PTPRN2: variants seen among roughly 807,000 people sequenced by gnomAD.
The protein encoded by PTPRN2 is protein tyrosine phosphatase receptor type N2.
A neutral mutation model predicts 118.8 loss-of-function variants in PTPRN2; 74 were observed. The ratio of observed to expected loss-of-function variants is 0.62; its 90% confidence interval spans 0.52 to 0.76. The LOEUF (loss-of-function observed/expected upper bound fraction) is 0.76, where lower values mean the gene tolerates loss of function less well. PTPRN2 is among the 30% of genes least tolerant of loss of function. The pLI is 0.00. For synonymous variants in PTPRN2, 641 were observed against 608.0 expected (o/e 1.05, Z -0.80); for missense variants, 1,481 against 1,394.4 (o/e 1.06, Z -0.99).
In PTPRN2 at chr7:157,615,355, A is replaced by G. The variant is rs2150616761; in HGVS notation, c.2344+6007T>C. 1 of 443,080 alleles carries G rather than the reference A, an allele frequency of 2.3e-6. No individual in the cohort carries two copies. The allele number at this position is 443,080 out of a possible 1,614,324, so 27.4% of individuals were successfully genotyped here. ...GTAGTGTAGGCTGCACTCTCCGGGG[A>G]GCCGCTGACCTTGGGCTCCCTAACC... On this transcript the variant is annotated intron_variant, in intron 15 of 22. Transcript: ENST00000389418. The surrounding 1 kb of genome is among the most constrained non-coding windows in gnomAD (Gnocchi z 4.3).
chr7:158,537,899 C>A lies in PTPRN2; in HGVS notation c.113-48114G>T, dbSNP rs1825741604. Among the ~76,000 whole-genome samples the A allele has an allele frequency of 4.6e-5, 7 of 152,364 alleles. No homozygotes were observed. The South Asian group carries it at 1.4e-3, about 32-fold the overall frequency. On this transcript the variant is annotated intron_variant, in intron 1 of 22. Transcript: ENST00000389418. ...TTCCTTTCCCTGTAATATTTGCTAGCTTCACCTTGACCTCATAAATGTAAT... is the reference window on the plus strand; with the variant it reads ...TTCCTTTCCCTGTAATATTTGCTAGATTCACCTTGACCTCATAAATGTAAT...
intron 2 of PTPRN2, among the ~76,000 whole-genome samples, chr7:158,459,330 C>CACT (rs10690042): frequency 0.55 from 56,248 of 102,596 alleles, 13,727 homozygotes; most frequent in Non-Finnish European, 0.57. Flanking sequence ...CCAGAGCACC[C>CACT]GCCTGGGACG....
intron 12 of PTPRN2, among the ~76,000 whole-genome samples, chr7:157,775,257 CATATG>C (rs1803130035): frequency 2.6e-5 from 4 of 152,208 alleles, no homozygotes; most frequent in Admixed American, 2.0e-4. Context: ...CAGCTACTGT[CATATG>C]AGCTGCTCTT....
chr7:157,599,129 C>T (rs1801516367), intron 16 of PTPRN2, among the ~76,000 whole-genome samples: 1 of 152,064 alleles, frequency 6.6e-6, no homozygotes, highest in Non-Finnish European at 1.5e-5. Flanking sequence ...CCTGCCTCAG[C>T]CTCCAGAGTG....
intron 3 of PTPRN2, among the ~76,000 whole-genome samples, chr7:158,286,662 T>C (rs1799791597): frequency 6.6e-6 from 1 of 152,206 alleles, no homozygotes; most frequent in Admixed American, 6.5e-5. Flanking sequence ...TTAATAGAGT[T>C]GCATATATTG....
At chr7:158,404,112 G>A (rs917972830) in intron 2 of PTPRN2, among the ~76,000 whole-genome samples, 1 of 152,152 alleles carries the variant, frequency 6.6e-6, no homozygotes, top group African/African-American at 2.4e-5. Context: ...AAAAGGTATC[G>A]CCGTGACAAT....
chr7:157,552,016 A>G (rs1585019798), intron 21 of PTPRN2, among the ~76,000 whole-genome samples: 2 of 150,686 alleles, frequency 1.3e-5, no homozygotes, highest in East Asian at 4.0e-4. Flanking sequence ...CCCCACAGCC[A>G]GCACCCAACC....
intron 2 of PTPRN2, among the ~76,000 whole-genome samples, chr7:158,349,832 C>A (rs1028839026): frequency 5.3e-5 from 8 of 149,920 alleles, no homozygotes; most frequent in African/African-American, 1.5e-4. Context: ...TCACTGCACC[C>A]CTGGGTGGCC....
intron 2 of PTPRN2, among the ~76,000 whole-genome samples, chr7:158,341,415 G>C (rs62493634): frequency 0.012 from 559 of 46,898 alleles, no homozygotes; most frequent in Middle Eastern, 0.059. Context: ...CGCCCGCAGA[G>C]GTCACTCACA....
At chr7:158,535,362 G>A (rs1825586450) in intron 1 of PTPRN2, among the ~76,000 whole-genome samples, 1 of 152,192 alleles carries the variant, frequency 6.6e-6, no homozygotes, top group Admixed American at 6.5e-5. Context: ...CATGAGCTGA[G>A]CCTTGTTTTT....
At chr7:158,407,501 C>CCTGCGTCCTGG (rs1813659750) in intron 2 of PTPRN2, among the ~76,000 whole-genome samples, 2 of 6,304 alleles carry the variant, frequency 3.2e-4, no homozygotes, top group African/African-American at 1.0e-3. Context: ...CTGGGTCCTG[C>CCTGCGTCCTGG]GTCCTGGGTC....
intron 11 of PTPRN2, among the ~76,000 whole-genome samples, chr7:157,993,686 C>T (rs1445163647): frequency 6.6e-6 from 1 of 152,174 alleles, no homozygotes; most frequent in East Asian, 1.9e-4. Flanking sequence ...GAGCTAGGTC[C>T]TGGAGAGCCA....
intron 3 of PTPRN2, among the ~76,000 whole-genome samples, chr7:158,316,300 C>CCCT (rs1401051843): frequency 6.6e-6 from 1 of 152,164 alleles, no homozygotes; most frequent in African/African-American, 2.4e-5. Flanking sequence ...TGACCAAGAG[C>CCCT]CCTCACTTCA....
At chr7:157,889,514 G>T (rs967776232) in intron 12 of PTPRN2, among the ~76,000 whole-genome samples, 1 of 152,188 alleles carries the variant, frequency 6.6e-6, no homozygotes, top group Non-Finnish European at 1.5e-5. Flanking sequence ...CACAGGGAGG[G>T]CCTTCATGTC....
intron 6 of PTPRN2, among the ~76,000 whole-genome samples, chr7:158,152,370 G>C (rs900664126): frequency 6.6e-6 from 1 of 152,166 alleles, no homozygotes; most frequent in African/African-American, 2.4e-5. Flanking sequence ...TGGGGCCTGG[G>C]AAGCTGTCTT....
At chr7:158,131,461 GAC>G (rs979513374) in intron 9 of PTPRN2, among the ~76,000 whole-genome samples, 11 of 137,646 alleles carry the variant, frequency 8.0e-5, no homozygotes, top group African/African-American at 2.2e-4. Flanking sequence ...ACATCTACCT[GAC>G]ACACGCACTC....
chr7:157,682,993 A>G lies in PTPRN2; in HGVS notation c.1789-56T>C, dbSNP rs189298488. 2,426 of 1,411,340 alleles carry G rather than the reference A, an allele frequency of 1.7e-3. 3 individuals carry two copies. Among genetic ancestry groups the G allele is most frequent in the Non-Finnish European group, 2.1e-3 (2,160 of 1,013,170 alleles). 87.4% of individuals were successfully genotyped at this position (1,411,340 alleles called of 1,614,324 possible). A position where few individuals can be genotyped will look rare whatever the true frequency, so the allele number is the denominator to read the frequency against. ...CTCCTGACAAAGCATGACCTCCTAA[A>G]AACACACGTCTCCAAATGCAACTTG... On this transcript the variant is annotated intron_variant, in intron 12 of 22. Transcript: ENST00000389418.
chr7:157,660,950 C>T (rs922283510), intron 13 of PTPRN2, among the ~76,000 whole-genome samples: 1 of 152,244 alleles, frequency 6.6e-6, no homozygotes, highest in Non-Finnish European at 1.5e-5. Flanking sequence ...AGACGGGCTT[C>T]ACCACGTTGG....
chr7:158,379,864 G>T (rs1010326538), intron 2 of PTPRN2, among the ~76,000 whole-genome samples: 1 of 152,130 alleles, frequency 6.6e-6, no homozygotes, highest in African/African-American at 2.4e-5. Context: ...TGGCTGGGGG[G>T]GCCTCACAAT....
Sources: gnomAD v4.1 joint callset for allele counts (sites outside exome capture counted in the v4.1 genomes callset) on GRCh38, gnomAD v4.1.1 for gene constraint, Gnocchi (gnomAD v3.1) non-coding constraint, MANE v1.5 for transcripts, NCBI Gene and HGNC (gene_info 2026-07-23, HGNC 2026-07-21) for gene names.